Variants in PPP2R5E observed in about 807,000 individuals in gnomAD.
The protein encoded by PPP2R5E is protein phosphatase 2 regulatory subunit B'epsilon, also known as serine/threonine-protein phosphatase 2A 56 kDa regulatory subunit epsilon isoform.
A neutral mutation model predicts 65.3 loss-of-function variants in PPP2R5E; 4 were observed. The observed-to-expected ratio is 0.06, with a 90% CI of 0.03 to 0.14. The LOEUF (loss-of-function observed/expected upper bound fraction) is 0.14. Among genes scored for constraint, PPP2R5E ranks in the 10% least tolerant of loss-of-function variants. PPP2R5E has a pLI of 1.00. For missense variants in PPP2R5E, 274 were observed against 556.1 expected (o/e 0.49, Z 5.10); for synonymous variants, 183 against 187.4 (o/e 0.98, Z 0.19).
intron 2 of PPP2R5E, among the ~76,000 whole-genome samples, chr14:63,510,632 C>T (rs1458145065): frequency 6.6e-6 from 1 of 152,180 alleles, no homozygotes; most frequent in Non-Finnish European, 1.5e-5. Context: ...ATGCAAAGCC[C>T]TACGGCCTGT....
At chr14:63,535,332 G>T (rs1893625267) in intron 2 of PPP2R5E, among the ~76,000 whole-genome samples, 1 of 151,970 alleles carries the variant, frequency 6.6e-6, no homozygotes, top group South Asian at 2.1e-4. Flanking sequence ...TGAGGCAAGA[G>T]AATCACTTGA....
Position 63,389,575 on chromosome 14 carries a change from C to T in PPP2R5E, c.1074+37G>A. Reference sequence around the variant, plus strand: ...AACAAATAAAATTTAACCAAAATAACTCATGCTCCCTGGCTCATGTCCTCT... The same window carrying T: ...AACAAATAAAATTTAACCAAAATAATTCATGCTCCCTGGCTCATGTCCTCT... On this transcript the variant is annotated intron_variant, in intron 11 of 13. Transcript: ENST00000337537. 2.6e-6 allele frequency: 4 copies of T among 1,556,218 alleles called. No individual in the cohort carries two copies. The South Asian group carries it at 4.9e-5, about 19-fold the overall frequency.
intron 2 of PPP2R5E, among the ~76,000 whole-genome samples, chr14:63,500,016 A>T (rs142461026): frequency 1.9e-4 from 29 of 152,324 alleles, no homozygotes; most frequent in Admixed American, 5.2e-4. Context: ...GACAATGTGT[A>T]ACTATTGTAA....
intron 2 of PPP2R5E, among the ~76,000 whole-genome samples, chr14:63,499,731 A>G (rs1458913294): frequency 1.3e-5 from 2 of 151,840 alleles, no homozygotes; most frequent in East Asian, 3.9e-4. Flanking sequence ...TATCTCAGAA[A>G]AAAAAAAAAA....
chr14:63,490,879 C>T (rs534221239), intron 2 of PPP2R5E, among the ~76,000 whole-genome samples: 2 of 152,086 alleles, frequency 1.3e-5, no homozygotes, highest in African/African-American at 4.8e-5. Flanking sequence ...AATTCCATTA[C>T]CGGATATATA....
intron 4 of PPP2R5E, among the ~76,000 whole-genome samples, chr14:63,419,148 A>G (rs903756100): frequency 6.6e-6 from 1 of 152,156 alleles, no homozygotes; most frequent in Non-Finnish European, 1.5e-5. Flanking sequence ...CGTCCGGCCA[A>G]TGGGTAATTT....
At chr14:63,508,541 C>T (rs1333557725) in intron 2 of PPP2R5E, among the ~76,000 whole-genome samples, 2 of 152,100 alleles carry the variant, frequency 1.3e-5, no homozygotes, top group Non-Finnish European at 2.9e-5. Context: ...AGGTATGAGC[C>T]CTCTCAATAT....
intron 2 of PPP2R5E, among the ~76,000 whole-genome samples, chr14:63,489,823 G>A (rs1236922389): frequency 6.6e-6 from 1 of 152,022 alleles, no homozygotes; most frequent in Non-Finnish European, 1.5e-5. Context: ...TTTTCTCTGA[G>A]TGATGCCTTT....
chr14:63,456,733 G>T (rs1418386830), intron 2 of PPP2R5E, among the ~76,000 whole-genome samples: 2 of 152,166 alleles, frequency 1.3e-5, no homozygotes, highest in Non-Finnish European at 2.9e-5. Flanking sequence ...AATGCAACAC[G>T]AAACACAGTG....
intron 3 of PPP2R5E, chr14:63,451,670 T>C (rs932716908): frequency 6.6e-6 from 1 of 152,148 alleles, no homozygotes; most frequent in African/African-American, 2.4e-5. Context: ...AAACTCAGAA[T>C]GTCCAACACC....
intron 2 of PPP2R5E, among the ~76,000 whole-genome samples, chr14:63,504,751 G>C (rs565156934): frequency 6.6e-6 from 1 of 152,050 alleles, no homozygotes; most frequent in Non-Finnish European, 1.5e-5. Context: ...TGCCTTACAC[G>C]TCTTAGTCAC....
intron 2 of PPP2R5E, among the ~76,000 whole-genome samples, chr14:63,454,486 G>C (rs1026060517): frequency 6.6e-6 from 1 of 152,134 alleles, no homozygotes; most frequent in African/African-American, 2.4e-5. Flanking sequence ...GAAAATAAGA[G>C]TAAATGCCAT....
chr14:63,453,890 G>C lies in PPP2R5E; in HGVS notation c.158-5C>G, dbSNP rs770615742. 1 of 1,405,906 alleles carries C rather than the reference G, an allele frequency of 7.1e-7. No individual in the cohort carries two copies. The highest frequency in any genetic ancestry group is 9.3e-7 in the Non-Finnish European group (1 of 1,071,722). 87.1% of individuals were successfully genotyped at this position (1,405,906 alleles called of 1,614,324 possible). On this transcript the variant is annotated splice_region_variant and splice_polypyrimidine_tract_variant and intron_variant, in intron 2 of 13. Transcript: ENST00000337537. ...GCTGCTCTGAGGATGGAACGTCTAA[G>C]AAAAAAAAAGGAAATGGTGTAAGTC...
chr14:63,538,979 A>C (rs544086029), intron 2 of PPP2R5E, among the ~76,000 whole-genome samples: 30 of 152,258 alleles, frequency 2.0e-4, no homozygotes, highest in African/African-American at 7.0e-4. Context: ...AGATCATACT[A>C]AACAAGTATG....
In PPP2R5E at chr14:63,375,717, T is replaced by C. The variant is rs1594802389; in HGVS notation, c.*292A>G. 1.9e-5 allele frequency: 4 copies of C among 215,840 alleles called. No homozygotes were observed. In the South Asian group the frequency reaches 5.2e-4, roughly 28 times the overall value. The allele number at this position is 215,840 out of a possible 1,614,324, so 13.4% of individuals were successfully genotyped here. On this transcript the variant is annotated 3_prime_UTR_variant, in exon 14 of 14. Coordinates refer to ENST00000337537, the MANE Select transcript of PPP2R5E (RefSeq NM_006246.5). Reference sequence around the variant, plus strand: ...AACTCCCGATAATGGAATTTTAACATAGCAATTTCATCAACAGATCTTTGA... The same window carrying C: ...AACTCCCGATAATGGAATTTTAACACAGCAATTTCATCAACAGATCTTTGA...
chr14:63,444,589 C>A (rs1173643904), intron 3 of PPP2R5E, among the ~76,000 whole-genome samples: 19 of 149,464 alleles, frequency 1.3e-4, no homozygotes, highest in African/African-American at 4.7e-4. Flanking sequence ...GAAGTATCCC[C>A]AAAAAAAACA....
At chr14:63,453,645 T>C (rs1184737897) in intron 3 of PPP2R5E, 44 bp downstream of exon 3, 1 of 1,576,286 alleles carries the variant, frequency 6.3e-7, no homozygotes, top group African/African-American at 1.4e-5. Context: ...TGAGTCACTA[T>C]GGAAGATGCT....
chr14:63,502,332 T>A (rs888406065), intron 2 of PPP2R5E, among the ~76,000 whole-genome samples: 1 of 152,186 alleles, frequency 6.6e-6, no homozygotes, highest in African/African-American at 2.4e-5. Flanking sequence ...AGATTCATCC[T>A]GCTCAACACC....
chr14:63,440,554 C>G (rs979421540), intron 3 of PPP2R5E, among the ~76,000 whole-genome samples: 5 of 152,000 alleles, frequency 3.3e-5, no homozygotes, highest in African/African-American at 1.2e-4. Flanking sequence ...AAACATAGCA[C>G]AGAGGCAAGA....
Sources: gnomAD v4.1 joint callset for allele counts (sites outside exome capture counted in the v4.1 genomes callset) on GRCh38, gnomAD v4.1.1 for gene constraint, MANE v1.5 for transcripts, NCBI Gene and HGNC (gene_info 2026-07-23, HGNC 2026-07-21) for gene names.